Variants in UNC13B observed in about 807,000 individuals in gnomAD.
The protein encoded by UNC13B is protein unc-13 homolog B.
Under a neutral mutation model 211.0 loss-of-function variants are expected in UNC13B, and 144 were observed. The ratio of observed to expected loss-of-function variants is 0.68; its 90% CI spans 0.60 to 0.78. The LOEUF (loss-of-function observed/expected upper bound fraction) is 0.78. Among genes scored for constraint, UNC13B ranks in the 30% least tolerant of loss-of-function variants. UNC13B has a pLI of 0.00. For missense variants in UNC13B, 1,777 were observed against 2,002.0 expected, an observed-to-expected ratio of 0.89 and a Z score of 2.14; for synonymous variants, 709 against 725.8, an observed-to-expected ratio of 0.98 and a Z score of 0.37.
intron 1 of UNC13B, among the ~76,000 whole-genome samples, chr9:35,174,101 A>G (rs1248712863): frequency 1.3e-5 from 2 of 152,020 alleles, no homozygotes; most frequent in Non-Finnish European, 1.5e-5. Context: ...ATATCTATTC[A>G]TCTAAGACAG....
At chr9:35,284,898 G>C (rs1828705344) in intron 7 of UNC13B, among the ~76,000 whole-genome samples, 1 of 152,240 alleles carries the variant, frequency 6.6e-6, no homozygotes, top group African/African-American at 2.4e-5. Context: ...ACATTAGCCA[G>C]TACTGGACTA....
chr9:35,212,026 G>C, intron 1 of UNC13B, among the ~76,000 whole-genome samples: 1 of 152,150 alleles, frequency 6.6e-6, no homozygotes, highest in Non-Finnish European at 1.5e-5. Flanking sequence ...TTCTATAATG[G>C]AAATAAATTA....
At chr9:35,259,126 G>T in intron 7 of UNC13B, 76 bp downstream of exon 7, 1 of 1,482,926 alleles carries the variant, frequency 6.7e-7, no homozygotes. Context: ...GTTATTCTGA[G>T]CTGGGGAGGG....
intron 11 of UNC13B, among the ~76,000 whole-genome samples, chr9:35,328,659 CCTTCCTCCCTCCCTTCCTT>C (rs1564139547): frequency 1.9e-5 from 2 of 106,540 alleles, no homozygotes; most frequent in South Asian, 3.0e-4. Flanking sequence ...TTCCTTCCTT[CCTTCCTCCCTCCCTTCCTT>C]CCCTTCCCTT....
chr9:35,236,539 G>A lies in UNC13B; in HGVS notation c.223G>A (p.Val75Met), dbSNP rs779496253. Reference protein sequence around the residue: ...WNKGLIWDTMVGTVWIALKTI... With the variant: ...WNKGLIWDTMMGTVWIALKTI... ...CAAAGGACTGATCTGGGACACCATG[G>A]TGGGGACTGTGTGGATTGCGCTGAA... is the stretch of plus-strand genomic sequence containing the variant. The change falls in exon 4 of 40, where the codon GTG becomes ATG. Residue 75 changes from valine (V) to methionine (M), a missense_variant. By Grantham distance (21) the Val-to-Met change is conservative. Transcript: ENST00000635942. The A allele has an allele frequency of 1.2e-6, 2 of 1,614,164 alleles. No individual in the cohort carries two copies. The highest frequency in any genetic ancestry group is 3.3e-5 in the Admixed American group (2 of 60,008).
Position 35,244,561 on chromosome 9 carries a change from C to G in UNC13B, c.468+1197C>G, listed in dbSNP as rs183685553. Among the ~76,000 whole-genome samples the G allele has an allele frequency of 3.9e-5, 6 of 152,272 alleles. 1 individual carries two copies. Among genetic ancestry groups the G allele is most frequent in the Admixed American group, 3.3e-4 (5 of 15,276 alleles). Reference sequence around the variant, plus strand: ...GGAAGCATCCTGTACTCTTCTGCCTCTGATGGTTGCTGGCAGTCCTTGCTG... The same window carrying G: ...GGAAGCATCCTGTACTCTTCTGCCTGTGATGGTTGCTGGCAGTCCTTGCTG... On this transcript the variant is annotated intron_variant, in intron 6 of 39. Coordinates refer to ENST00000635942, the MANE Select transcript of UNC13B (RefSeq NM_001371189.2).
intron 1 of UNC13B, among the ~76,000 whole-genome samples, chr9:35,174,303 G>A (rs1315123039): frequency 6.6e-6 from 1 of 151,682 alleles, no homozygotes; most frequent in East Asian, 1.9e-4. Flanking sequence ...AACTACAGGT[G>A]TGTGCCACCA....
chr9:35,386,708 C>T (rs568057888), intron 24 of UNC13B, among the ~76,000 whole-genome samples: 1 of 152,220 alleles, frequency 6.6e-6, no homozygotes, highest in African/African-American at 2.4e-5. Context: ...CTCCTGGAAG[C>T]TTTACTTTTC....
At chr9:35,176,504 C>T (rs906784297) in intron 1 of UNC13B, among the ~76,000 whole-genome samples, 3 of 152,084 alleles carry the variant, frequency 2.0e-5, no homozygotes, top group East Asian at 3.8e-4. Flanking sequence ...GCTGAAATCG[C>T]ACCACTGCAC....
At position 35,236,642 on chromosome 9, in the gene UNC13B, A is replaced by G. The variant is rs566209481; in HGVS notation, c.270+56A>G. On this transcript the variant is annotated intron_variant, in intron 4 of 39. Coordinates refer to ENST00000635942, the MANE Select transcript of UNC13B (RefSeq NM_001371189.2). ...TGGTTCCCAGCCCATGCTTCTCCCC[A>G]TGCTAGCTCCACTTTAGCTAATATT... The G allele has an allele frequency of 6.9e-6, 10 of 1,456,348 alleles. No homozygotes were observed. The South Asian group carries it at 1.0e-4, about 15-fold the overall frequency. The allele number at this position is 1,456,348 out of a possible 1,614,324, so 90.2% of individuals were successfully genotyped here. A position where few individuals can be genotyped will look rare whatever the true frequency, so the allele number is the denominator to read the frequency against.
At chr9:35,171,258 C>T (rs562181969) in intron 1 of UNC13B, among the ~76,000 whole-genome samples, 11 of 152,144 alleles carry the variant, frequency 7.2e-5, no homozygotes, top group Admixed American at 2.0e-4. Context: ...CCCGCCACCA[C>T]GCCCAGCTAA....
chr9:35,327,608 C>T (rs546599711), intron 11 of UNC13B, among the ~76,000 whole-genome samples: 2 of 152,302 alleles, frequency 1.3e-5, no homozygotes, highest in Admixed American at 6.5e-5. Context: ...TTGTGCCCAC[C>T]CACATTGAGG....
At chr9:35,170,622 C>G (rs933072415) in intron 1 of UNC13B, among the ~76,000 whole-genome samples, 4 of 151,698 alleles carry the variant, frequency 2.6e-5, no homozygotes, top group Non-Finnish European at 5.9e-5. Flanking sequence ...GTGTGAACTA[C>G]CATGCTTGGC....
chr9:35,243,794 G>A (rs1481406618), intron 6 of UNC13B, among the ~76,000 whole-genome samples: 1 of 152,118 alleles, frequency 6.6e-6, no homozygotes, highest in African/African-American at 2.4e-5. Flanking sequence ...AGGCTGGTGT[G>A]TATAAGAGAA....
At chr9:35,316,464 T>C (rs1189525214) in intron 11 of UNC13B, among the ~76,000 whole-genome samples, 1 of 152,166 alleles carries the variant, frequency 6.6e-6, no homozygotes, top group African/African-American at 2.4e-5. Context: ...GAAAAGGTAT[T>C]GTGAATACAG....
rs375286155 is a variant in UNC13B, at chr9:35,390,629, G to A, written c.11223G>A (p.Gln3741=). 1.2e-6 allele frequency: 2 copies of A among 1,613,768 alleles called. No homozygotes were observed. The highest frequency in any genetic ancestry group is 1.3e-5 in the African/African-American group (1 of 75,024). The change falls in exon 26 of 40, where the codon CAG becomes CAA. Residue 3741 remains glutamine (Q), a splice_region_variant and synonymous_variant. Transcript: ENST00000635942. The stretch of plus-strand genomic sequence containing the variant: ...GACTGTGGTTTCTTCTGTCATCCAG[G>A]TTTCCTCAGGAGTTGAATGTGGGAA... The part of the protein sequence containing the change: ...DKNSYTPVLN[Q]FPQELNVGKV...
intron 30 of UNC13B, among the ~76,000 whole-genome samples, 187 bp downstream of exon 30, chr9:35,397,899 G>A (rs1159736494): frequency 6.6e-6 from 1 of 151,934 alleles, no homozygotes; most frequent in Non-Finnish European, 1.5e-5. Flanking sequence ...GTCTCATTTG[G>A]TACATTATCC....
intron 7 of UNC13B, among the ~76,000 whole-genome samples, chr9:35,290,564 C>A (rs1829046253): frequency 6.6e-6 from 1 of 151,526 alleles, no homozygotes; most frequent in Non-Finnish European, 1.5e-5. Context: ...GCAAAATTGA[C>A]TATCTTCGCT....
At chr9:35,345,191 TA>T (rs1832273501) in intron 11 of UNC13B, among the ~76,000 whole-genome samples, 1 of 152,146 alleles carries the variant, frequency 6.6e-6, no homozygotes, top group South Asian at 2.1e-4. Flanking sequence ...ATGTGAGTGT[TA>T]AACAAAAAAT....
Sources: allele counts gnomAD v4.1 joint callset (sites outside exome capture counted in the v4.1 genomes callset), GRCh38; gene constraint gnomAD v4.1.1; transcripts MANE v1.5; gene names NCBI Gene and HGNC (gene_info 2026-07-23, HGNC 2026-07-21).